Variants in CACNB4 observed in about 807,000 individuals in gnomAD.
CACNB4 encodes voltage-dependent L-type calcium channel subunit beta-4.
A neutral mutation model predicts 71.2 loss-of-function variants in CACNB4; 32 were observed. The observed-to-expected ratio is 0.45, with a 90% CI of 0.34 to 0.60. The LOEUF (loss-of-function observed/expected upper bound fraction) is 0.60, where lower values mean the gene tolerates loss of function less well. Among genes scored for constraint, CACNB4 ranks in the 20% least tolerant of loss-of-function variants. CACNB4 has a pLI of 0.01. For synonymous variants in CACNB4, 231 were observed against 236.9 expected, an observed-to-expected ratio of 0.97 and a Z score of 0.23; for missense variants, 464 against 647.9, an observed-to-expected ratio of 0.72 and a Z score of 3.08.
chr2:152,005,672 G>C (rs1682684151), intron 2 of CACNB4, among the ~76,000 whole-genome samples: 1 of 152,158 alleles, frequency 6.6e-6, no homozygotes, highest in Non-Finnish European at 1.5e-5. Context: ...AATAAAAATG[G>C]AAACATTTCT....
intron 2 of CACNB4, among the ~76,000 whole-genome samples, chr2:151,958,886 G>GAAACATCA (rs1297227519): frequency 6.6e-6 from 1 of 152,140 alleles, no homozygotes; most frequent in Non-Finnish European, 1.5e-5. Flanking sequence ...TATGTTCTGC[G>GAAACATCA]AAACATCAAT....
chr2:152,040,984 C>A (rs1684842160), intron 2 of CACNB4, among the ~76,000 whole-genome samples: 1 of 152,192 alleles, frequency 6.6e-6, no homozygotes, highest in African/African-American at 2.4e-5. Context: ...CTTGGCAAAG[C>A]CCTCAAAGAC....
chr2:152,094,023 T>C (rs1187640795), intron 2 of CACNB4, among the ~76,000 whole-genome samples: 1 of 152,244 alleles, frequency 6.6e-6, no homozygotes, highest in Non-Finnish European at 1.5e-5. Context: ...TGCTAGATGC[T>C]GAGGACACAA....
At chr2:151,906,093 T>C (rs1221771666) in intron 2 of CACNB4, among the ~76,000 whole-genome samples, 2 of 152,220 alleles carry the variant, frequency 1.3e-5, no homozygotes, top group Admixed American at 1.3e-4. Flanking sequence ...CTCCAGGAAC[T>C]GCAATGAAAC....
chr2:151,942,523 G>A (rs1292338795), intron 2 of CACNB4, among the ~76,000 whole-genome samples: 1 of 148,802 alleles, frequency 6.7e-6, no homozygotes, highest in Admixed American at 6.6e-5. Context: ...GATTTTTAGG[G>A]AACGAAGGAA....
chr2:151,986,900 G>A (rs923093626), intron 2 of CACNB4, among the ~76,000 whole-genome samples: 3 of 152,112 alleles, frequency 2.0e-5, no homozygotes, highest in Non-Finnish European at 4.4e-5. Context: ...AAGTTCAGCA[G>A]GAGTTGCTTC....
At position 152,001,526 on chromosome 2, in the gene CACNB4, TAAAAAAAAAAA is replaced by T. The variant is rs70974816; in HGVS notation, c.147+96793_147+96803del. ...CAACATGGTGAAACCCCATCTCTAC[TAAAAAAAAAAA>T]AAAAAAAAAAAAAAAAAAATACAAA... is the stretch of plus-strand genomic sequence containing the variant. On this transcript the variant is annotated intron_variant, in intron 2 of 13. Coordinates refer to ENST00000539935, the MANE Select transcript of CACNB4 (RefSeq NM_000726.5). Among the ~76,000 whole-genome samples the T allele has an allele frequency of 2.5e-3, 87 of 35,494 alleles. 1 individual carries two copies. In the South Asian group the frequency reaches 0.094, roughly 38 times the overall value. The allele number at this position is 35,494 out of a possible 152,430, so 23.3% of individuals were successfully genotyped here. A position where few individuals can be genotyped will look rare whatever the true frequency, so the allele number is the denominator to read the frequency against.
chr2:151,845,320 G>A (rs2151327595), intron 12 of CACNB4, among the ~76,000 whole-genome samples: 1 of 152,238 alleles, frequency 6.6e-6, no homozygotes, highest in African/African-American at 2.4e-5. Flanking sequence ...AAAAAACACA[G>A]AGAAAAGCAA....
chr2:152,080,473 C>T (rs56712558), intron 2 of CACNB4, among the ~76,000 whole-genome samples: 1,918 of 152,230 alleles, frequency 0.013, 40 homozygotes, highest in African/African-American at 0.044. Flanking sequence ...AGAAGTTTCT[C>T]TCTAGTTTCA....
In CACNB4 at chr2:152,098,579, C is replaced by CCCCCCCCACAA; in HGVS notation, c.64-167_64-166insTTGTGGGGGGG. On this transcript the variant is annotated intron_variant, in intron 1 of 13. Transcript: ENST00000539935. The surrounding 1 kb of genome is among the most constrained non-coding windows in gnomAD (Gnocchi z 5.3). ...CCCAAATACAGCCCCCACCCCCACC[C>CCCCCCCCACAA]ACCCACTGCAAGCCTCGACTGCTGA... The CCCCCCCCACAA allele has an allele frequency of 5.3e-6, 5 of 943,714 alleles. No individual in the cohort carries two copies. Among genetic ancestry groups the CCCCCCCCACAA allele is most frequent in the Non-Finnish European group, 8.5e-6 (5 of 591,326 alleles). 58.5% of individuals were successfully genotyped at this position (943,714 alleles called of 1,614,324 possible).
intron 2 of CACNB4, among the ~76,000 whole-genome samples, chr2:152,014,422 C>G (rs530710904): frequency 1.3e-5 from 2 of 151,974 alleles, no homozygotes; most frequent in Non-Finnish European, 2.9e-5. Context: ...AGATAATTTG[C>G]GTAGAATCTA....
At chr2:152,062,013 A>AAAT (rs10664776) in intron 2 of CACNB4, among the ~76,000 whole-genome samples, 35,398 of 140,996 alleles carry the variant, frequency 0.25, 4,704 homozygotes, top group Middle Eastern at 0.46. Flanking sequence ...TTCCATCTCA[A>AAAT]AATAATAATA....
intron 2 of CACNB4, among the ~76,000 whole-genome samples, chr2:151,915,992 G>A (rs1258801989): frequency 1.9e-5 from 1 of 53,072 alleles, no homozygotes; most frequent in East Asian, 3.0e-4. Context: ...TGGCTGGGGG[G>A]AGGGGGTTCC....
chr2:151,917,336 G>A (rs2151557637), intron 2 of CACNB4, among the ~76,000 whole-genome samples: 3 of 152,214 alleles, frequency 2.0e-5, no homozygotes, highest in Middle Eastern at 6.8e-3. Context: ...GACAGGTTCT[G>A]GAGTATAAGG....
chr2:152,004,970 G>GAC (rs1357760118), intron 2 of CACNB4, among the ~76,000 whole-genome samples: 3 of 152,120 alleles, frequency 2.0e-5, no homozygotes. Flanking sequence ...ACCACAATGA[G>GAC]ACACCATCTC....
At chr2:151,840,077 T>G (rs1384937133) in intron 13 of CACNB4, among the ~76,000 whole-genome samples, 1 of 152,238 alleles carries the variant, frequency 6.6e-6, no homozygotes, top group African/African-American at 2.4e-5. Flanking sequence ...GATACTTATT[T>G]GAAGGCTCAG....
intron 2 of CACNB4, among the ~76,000 whole-genome samples, chr2:152,072,445 G>A (rs1183614415): frequency 1.3e-5 from 2 of 152,214 alleles, no homozygotes; most frequent in Admixed American, 6.5e-5. Flanking sequence ...ACAAAGATCT[G>A]TAATACTTAC....
intron 2 of CACNB4, among the ~76,000 whole-genome samples, chr2:152,034,962 C>T (rs1042620261): frequency 6.6e-6 from 1 of 152,164 alleles, no homozygotes; most frequent in Non-Finnish European, 1.5e-5. Flanking sequence ...AAGTCCGCGG[C>T]AAAAGTATTG....
In CACNB4 at chr2:152,074,894, C is replaced by T. The variant is rs146714466; in HGVS notation, c.147+23436G>A. ...AGCACCATCATAACCACTAATATCA[C>T]CGTGATCACCACAACCACCCTCACT... On this transcript the variant is annotated intron_variant, in intron 2 of 13. Transcript: ENST00000539935. Among the ~76,000 whole-genome samples, 319 of 152,264 alleles carry T rather than the reference C, an allele frequency of 2.1e-3. 1 individual carries two copies. The highest frequency in any genetic ancestry group is 4.1e-3 in the Admixed American group (62 of 15,284).
Sources: gnomAD v4.1 joint callset for allele counts (sites outside exome capture counted in the v4.1 genomes callset) on GRCh38, gnomAD v4.1.1 for gene constraint, Gnocchi (gnomAD v3.1) non-coding constraint, MANE v1.5 for transcripts, NCBI Gene and HGNC (gene_info 2026-07-23, HGNC 2026-07-21) for gene names.